ERICH3: variants seen among roughly 807,000 people sequenced by gnomAD.
ERICH3 encodes glutamate-rich protein 3.
A neutral mutation model predicts 131.1 loss-of-function variants in ERICH3; 126 were observed. The observed-to-expected ratio is 0.96, with a 90% CI of 0.83 to 1.11. The LOEUF is 1.11. Among genes scored for constraint, ERICH3 ranks in the 50% most tolerant of loss-of-function variants. The probability of loss-of-function intolerance (pLI) is 0.00; values close to 1 mark genes in which losing one functional copy is unlikely to be tolerated. For missense variants in ERICH3, 2,050 were observed against 1,810.7 expected, an observed-to-expected ratio of 1.13 and a Z score of -2.40; for synonymous variants, 695 against 644.6, an observed-to-expected ratio of 1.08 and a Z score of -1.18.
intron 8 of ERICH3, among the ~76,000 whole-genome samples, chr1:74,617,205 A>G (rs960441379): frequency 6.6e-6 from 1 of 152,068 alleles, no homozygotes; most frequent in Non-Finnish European, 1.5e-5. Flanking sequence ...AAAACCAGAA[A>G]CAACAATAAC....
At chr1:74,601,292 A>G (rs941303920) in intron 10 of ERICH3, among the ~76,000 whole-genome samples, 2 of 151,810 alleles carry the variant, frequency 1.3e-5, no homozygotes, top group Non-Finnish European at 2.9e-5. Flanking sequence ...TTAACTATCA[A>G]TCAATAAGCC....
chr1:74,602,701 G>A (rs1283591762), intron 10 of ERICH3, among the ~76,000 whole-genome samples: 1 of 151,748 alleles, frequency 6.6e-6, no homozygotes, highest in African/African-American at 2.4e-5. Context: ...TTTATCATAG[G>A]TATCATGAGT....
At chr1:74,591,153 G>C (rs1395549495) in intron 11 of ERICH3, among the ~76,000 whole-genome samples, 3 of 152,188 alleles carry the variant, frequency 2.0e-5, no homozygotes, top group African/African-American at 7.2e-5. Flanking sequence ...TGTGTACATA[G>C]ATGGAGATTT....
chr1:74,572,339 G>A lies in ERICH3; in HGVS notation c.3371C>T (p.Ser1124Phe), dbSNP rs1307015066. 6.2e-7 allele frequency: 1 copy of A among 1,613,732 alleles called. No individual in the cohort carries two copies. The highest frequency in any genetic ancestry group is 1.1e-5 in the South Asian group (1 of 90,968). The change falls in exon 14 of 15, where the codon TCT becomes TTT. Residue 1124 changes from serine to phenylalanine, a missense_variant. Physicochemically the swap from Ser to Phe is radical, Grantham distance 155. Transcript: ENST00000326665. ...CACAGGTGCTTCGTTCTCAGCATCA[G>A]ATCCCATTTCATTTGGGGGAGCTTT... Reference protein sequence around the residue: ...ETKAPPNEMGSDAENEAPVEA... With the variant: ...ETKAPPNEMGFDAENEAPVEA...
chr1:74,599,903 C>G lies in ERICH3; in HGVS notation c.1518G>C (p.Glu506Asp), dbSNP rs745497573. The change falls in exon 11 of 15, where the codon GAG becomes GAC. Residue 506 changes from glutamate to aspartate, a missense_variant. Transcript: ENST00000326665. ...YEYEEDFEVD[E>D]EKQGEKSNEE... ...CATTAGATTTTTCACCTTGTTTCTCCTCATCTACTTCAAAGTCTTCTTCAT... is the reference window on the plus strand; with the variant it reads ...CATTAGATTTTTCACCTTGTTTCTCGTCATCTACTTCAAAGTCTTCTTCAT... 2 of 1,610,890 alleles carry G rather than the reference C, an allele frequency of 1.2e-6. No homozygotes were observed. Among genetic ancestry groups the G allele is most frequent in the Non-Finnish European group, 1.7e-6 (2 of 1,178,394 alleles).
Position 74,573,331 on chromosome 1 carries a change from C to G in ERICH3, c.2379G>C (p.Gly793=), listed in dbSNP as rs1368276747. 3 of 1,608,632 alleles carry G rather than the reference C, an allele frequency of 1.9e-6. No individual in the cohort carries two copies. In the African/African-American group the frequency reaches 4.0e-5, roughly 22 times the overall value. Residue 793 remains glycine, a synonymous_variant, in exon 14 of 15, where the codon GGG becomes GGC. Coordinates refer to ENST00000326665, the MANE Select transcript of ERICH3 (RefSeq NM_001002912.5). The part of the protein sequence containing the change: ...HRDADIVQGK[G]EAALWGEAGA... ...CTGCTTCTCCCCACAGTGCTGCCTC[C>G]CCTTTTCCCTGTACTATGTCAGCAT...
intron 11 of ERICH3, among the ~76,000 whole-genome samples, chr1:74,590,726 C>A (rs1355199655): frequency 6.6e-6 from 1 of 152,084 alleles, no homozygotes; most frequent in Admixed American, 6.6e-5. Context: ...GGCCATGGAC[C>A]CTGTACCAGT....
intron 6 of ERICH3, among the ~76,000 whole-genome samples, chr1:74,634,125 T>C (rs1387385446): frequency 6.6e-6 from 1 of 152,114 alleles, no homozygotes; most frequent in East Asian, 1.9e-4. Flanking sequence ...CTCAGCAATG[T>C]ACAGAATATT....
intron 7 of ERICH3, among the ~76,000 whole-genome samples, chr1:74,631,284 G>A (rs181585103): frequency 2.0e-5 from 3 of 152,130 alleles, no homozygotes; most frequent in Admixed American, 6.6e-5. Context: ...AAAAATTACT[G>A]AAATAATTTA....
intron 10 of ERICH3, among the ~76,000 whole-genome samples, chr1:74,606,189 T>C (rs957027734): frequency 3.9e-5 from 6 of 151,914 alleles, no homozygotes; most frequent in African/African-American, 7.2e-5. Flanking sequence ...AGTTATGGCA[T>C]ACTCTATCAC....
rs1378169951 is a variant in ERICH3 at position 74,590,050 on chromosome 1, C to G, written c.1757G>C (p.Arg586Thr). 6.2e-7 allele frequency: 1 copy of G among 1,611,118 alleles called. No homozygotes were observed. Among genetic ancestry groups the G allele is most frequent in the Non-Finnish European group, 8.5e-7 (1 of 1,178,200 alleles). ...DMKTASSTSSRSHPYSSDSED... is the reference protein window; with the variant it reads ...DMKTASSTSSTSHPYSSDSED... ...ACTGTCACTAGAATAAGGGTGACTT[C>G]TGGATGAGGTTGATGAAGCAGTTTT... Residue 586 changes from arginine to threonine, a missense_variant, in exon 12 of 15, where the codon AGA (arginine) becomes ACA (threonine). Coordinates refer to ENST00000326665, the MANE Select transcript of ERICH3 (RefSeq NM_001002912.5).
chr1:74,629,585 T>C (rs1194880563), intron 7 of ERICH3, among the ~76,000 whole-genome samples: 3 of 152,122 alleles, frequency 2.0e-5, no homozygotes, highest in Non-Finnish European at 4.4e-5. Context: ...CCCTCCTCCA[T>C]GCCCAGCTAC....
chr1:74,654,018 AT>A (rs762022619), intron 1 of ERICH3, among the ~76,000 whole-genome samples: 2 of 152,180 alleles, frequency 1.3e-5, no homozygotes, highest in African/African-American at 2.4e-5. Context: ...TCAATTTATT[AT>A]AAGATTGCCT....
chr1:74,619,379 C>T (rs1645445510), intron 8 of ERICH3, among the ~76,000 whole-genome samples: 1 of 152,216 alleles, frequency 6.6e-6, no homozygotes, highest in African/African-American at 2.4e-5. Context: ...GTTTTCATCA[C>T]ATTAATTCCG....
At chr1:74,621,376 T>C (rs1292636738) in intron 7 of ERICH3, 1 of 152,606 alleles carries the variant, frequency 6.6e-6, no homozygotes, top group African/African-American at 2.4e-5. Flanking sequence ...TTTTTGTAAT[T>C]GGCTGCTTTA....
intron 10 of ERICH3, among the ~76,000 whole-genome samples, chr1:74,605,409 T>C (rs1005905440): frequency 1.3e-5 from 2 of 151,952 alleles, no homozygotes; most frequent in Non-Finnish European, 2.9e-5. Flanking sequence ...AACTTTTCTT[T>C]TGCATTCACA....
chr1:74,607,888 T>C (rs1353585442), intron 9 of ERICH3, among the ~76,000 whole-genome samples: 1 of 151,996 alleles, frequency 6.6e-6, no homozygotes, highest in African/African-American at 2.4e-5. Flanking sequence ...GAGCACTCTC[T>C]CTGTGCCAAG....
At chr1:74,600,462 A>G (rs1464030482) in intron 10 of ERICH3, among the ~76,000 whole-genome samples, 2 of 151,898 alleles carry the variant, frequency 1.3e-5, no homozygotes, top group Admixed American at 1.3e-4. Context: ...ATGGACATCA[A>G]GAAAAGGCAT....
chr1:74,643,085 A>G lies in ERICH3; in HGVS notation c.257T>C (p.Leu86Pro). The change falls in exon 4 of 15, where the codon CTT (leucine) becomes CCT (proline). Residue 86 changes from leucine (L) to proline (P), a missense_variant. Coordinates refer to ENST00000326665, the MANE Select transcript of ERICH3 (RefSeq NM_001002912.5). ...KVLDMERYHQ[L>P]EIKKKLETLA... ...GGTCTCCAATTTCTTTTTTATTTCA[A>G]GCTGATGGTAACGCTAAGCATACAG... is the stretch of plus-strand genomic sequence containing the variant. The G allele has an allele frequency of 6.2e-7, 1 of 1,610,822 alleles. No individual in the cohort carries two copies. The highest frequency in any genetic ancestry group is 8.5e-7 in the Non-Finnish European group (1 of 1,178,116).
Sources: allele counts gnomAD v4.1 joint callset (sites outside exome capture counted in the v4.1 genomes callset), GRCh38; gene constraint gnomAD v4.1.1; transcripts MANE v1.5; gene names NCBI Gene and HGNC (gene_info 2026-07-23, HGNC 2026-07-21).